RMND5B: variants seen among roughly 807,000 people sequenced by gnomAD.
RMND5B encodes E3 ubiquitin-protein transferase RMND5B.
In RMND5B, 42 loss-of-function variants were observed where a neutral mutation model predicts 50.4. The ratio of observed to expected loss-of-function variants is 0.83; its 90% CI spans 0.65 to 1.08. The LOEUF is 1.08. Among genes scored for constraint, RMND5B ranks in the 50% least tolerant of loss-of-function variants. The pLI, the probability that RMND5B is intolerant of heterozygous loss-of-function variation, is 0.00. For synonymous variants in RMND5B, 220 were observed against 210.0 expected, an observed-to-expected ratio of 1.05 and a Z score of -0.41; for missense variants, 463 against 508.5, an observed-to-expected ratio of 0.91 and a Z score of 0.86.
At chr5:178,142,785 C>T in intron 4 of RMND5B, 57 bp downstream of exon 4, 1 of 1,614,226 alleles carries the variant, frequency 6.2e-7, no homozygotes, top group East Asian at 2.2e-5. Flanking sequence ...CTGGGATGTA[C>T]AAGGACTCGA....
Position 178,149,865 on chromosome 5 carries a change from G to A in RMND5B, c.*1833G>A. ...TACAGAGGGGAAAGAAGTGCTGTTTGGAAAAAAGCTGTACAACCTGTATGC... is the reference window on the plus strand; with the variant it reads ...TACAGAGGGGAAAGAAGTGCTGTTTAGAAAAAAGCTGTACAACCTGTATGC... On this transcript the variant is annotated 3_prime_UTR_variant, in exon 11 of 11. Coordinates refer to ENST00000313386, the MANE Select transcript of RMND5B (RefSeq NM_022762.5). 1 of 1,610,116 alleles carries A rather than the reference G, an allele frequency of 6.2e-7. No homozygotes were observed. The highest frequency in any genetic ancestry group is 8.5e-7 in the Non-Finnish European group (1 of 1,178,282).
In RMND5B at chr5:178,147,438, C is replaced by T. The variant is rs563630095; in HGVS notation, c.861-95C>T. 5.0e-5 allele frequency: 44 copies of T among 883,038 alleles called. No individual in the cohort carries two copies. The Admixed American group carries it at 8.8e-4, about 18-fold the overall frequency. The allele number at this position is 883,038 out of a possible 1,614,324, so 54.7% of individuals were successfully genotyped here. On this transcript the variant is annotated intron_variant, in intron 8 of 10. Transcript: ENST00000313386. ...ATTTGACCGTGCACCATTTTAGAGC[C>T]CTGTCTCAAGGTCCATGCTGAAGCA...
chr5:178,140,199 G>A (rs905271992), intron 3 of RMND5B, among the ~76,000 whole-genome samples: 2 of 152,082 alleles, frequency 1.3e-5, no homozygotes, highest in African/African-American at 4.8e-5. Flanking sequence ...TTGGAGACAA[G>A]TTCTCACTTT....
intron 2 of RMND5B, among the ~76,000 whole-genome samples, chr5:178,131,913 CAG>C (rs1758331245): frequency 1.3e-5 from 2 of 152,072 alleles, no homozygotes; most frequent in Admixed American, 1.3e-4. Context: ...GTCTGTAGGT[CAG>C]AGAGAGGAAT....
At chr5:178,145,528 CA>C (rs567656877) in intron 7 of RMND5B, among the ~76,000 whole-genome samples, 30 of 150,756 alleles carry the variant, frequency 2.0e-4, no homozygotes, top group African/African-American at 6.8e-4. Context: ...ACACACACAC[CA>C]AAAAAAACAA....
rs970458945 is a variant in RMND5B at position 178,143,481 on chromosome 5, C to T, written c.427-146C>T. 7 of 664,688 alleles carry T rather than the reference C, an allele frequency of 1.1e-5. No homozygotes were observed. In the Admixed American group the frequency reaches 1.7e-4, roughly 16 times the overall value. The allele number at this position is 664,688 out of a possible 1,614,324, so 41.2% of individuals were successfully genotyped here. ...GACTGAGATGGGAACAAGAGAGGCC[C>T]AAGTGGCTGGCAGGAGACCAAGCTC... On this transcript the variant is annotated intron_variant, in intron 5 of 10. Coordinates refer to ENST00000313386, the MANE Select transcript of RMND5B (RefSeq NM_022762.5).
chr5:178,149,681 A>G lies in RMND5B; in HGVS notation c.*1649A>G, dbSNP rs201984406. 2.9e-5 allele frequency: 46 copies of G among 1,611,536 alleles called. No individual in the cohort carries two copies. Among genetic ancestry groups the G allele is most frequent in the Non-Finnish European group, 3.7e-5 (44 of 1,179,632 alleles). ...TCCTGCTGCCAGCCCAATAGCTTCC[A>G]GCGGCAGGTGCCCAGGTGCTACCGG... On this transcript the variant is annotated 3_prime_UTR_variant, in exon 11 of 11. Transcript: ENST00000313386.
At position 178,149,885 on chromosome 5, in the gene RMND5B, G is replaced by A. The variant is rs956276970; in HGVS notation, c.*1853G>A. 1 of 1,605,468 alleles carries A rather than the reference G, an allele frequency of 6.2e-7. No homozygotes were observed. Among genetic ancestry groups the A allele is most frequent in the African/African-American group, 1.3e-5 (1 of 74,912 alleles). ...TGTTTGGAAAAAAGCTGTACAACCT[G>A]TATGCCAGGAAGTCACCAACTGATG... On this transcript the variant is annotated 3_prime_UTR_variant, in exon 11 of 11. Transcript: ENST00000313386.
Position 178,147,849 on chromosome 5 carries a change from C to G in RMND5B, c.1084C>G (p.Arg362Gly). 3 of 1,614,166 alleles carry G rather than the reference C, an allele frequency of 1.9e-6. No individual in the cohort carries two copies. The highest frequency in any genetic ancestry group is 2.5e-6 in the Non-Finnish European group (3 of 1,180,042). The change falls in exon 10 of 11, where the codon CGA becomes GGA. Residue 362 changes from arginine to glycine, a missense_variant. Coordinates refer to ENST00000313386, the MANE Select transcript of RMND5B (RefSeq NM_022762.5). ...GCTCATCTGTGGCCATGTTATCTCC[C>G]GAGATGCACTCAATAAGCTCATTAA... is the stretch of plus-strand genomic sequence containing the variant. ...IKLICGHVIS[R>G]DALNKLINGG...
At position 178,137,752 on chromosome 5, in the gene RMND5B, G is replaced by A. The variant is rs1285249214; in HGVS notation, c.-12-356G>A. On this transcript the variant is annotated intron_variant, in intron 2 of 10. Transcript: ENST00000313386. The surrounding 1 kb of genome is among the most constrained non-coding windows in gnomAD (Gnocchi z 4.4). ...CAGTATATGGATTTCTAGTTAGATA[G>A]TATTGCCAGCTAAGGGCTCTGTGAG... 2.6e-5 allele frequency among the ~76,000 whole-genome samples: 4 copies of A among 152,144 alleles called. No homozygotes were observed. Among genetic ancestry groups the A allele is most frequent in the African/African-American group, 9.7e-5 (4 of 41,434 alleles).
In RMND5B at chr5:178,150,555, A is replaced by T. The variant is rs549738762; in HGVS notation, c.*2523A>T. The T allele has an allele frequency of 1.5e-4, 63 of 407,998 alleles. 2 individuals are homozygous for T. The highest frequency in any genetic ancestry group is 8.4e-4 in the South Asian group (42 of 49,934). The allele number at this position is 407,998 out of a possible 1,614,324, so 25.3% of individuals were successfully genotyped here. ...CCACCACACCCAGCTAATTAAAAAA[A>T]TTTTTTTTGTAGAGATGGAGTCTCA... is the stretch of plus-strand genomic sequence containing the variant. On this transcript the variant is annotated 3_prime_UTR_variant, in exon 11 of 11. Coordinates refer to ENST00000313386, the MANE Select transcript of RMND5B (RefSeq NM_022762.5).
At position 178,131,248 on chromosome 5, in the gene RMND5B, G is replaced by A. The variant is rs1035251705; in HGVS notation, c.-141G>A. 13 of 152,162 alleles carry A rather than the reference G, an allele frequency of 8.5e-5. No individual in the cohort carries two copies. Among genetic ancestry groups the A allele is most frequent in the African/African-American group, 2.9e-4 (12 of 41,452 alleles). 9.4% of individuals were successfully genotyped at this position (152,162 alleles called of 1,614,324 possible). On this transcript the variant is annotated 5_prime_UTR_variant, in exon 2 of 11. Transcript: ENST00000313386. Reference sequence around the variant, plus strand: ...TGTTCTCTTCGCAGTTGTCGGCCCTGGGCCGGGAGCTGGAGTCCCAGACTC... The same window carrying A: ...TGTTCTCTTCGCAGTTGTCGGCCCTAGGCCGGGAGCTGGAGTCCCAGACTC...
intron 2 of RMND5B, among the ~76,000 whole-genome samples, chr5:178,131,590 TGGA>T (rs1758309299): frequency 8.7e-6 from 1 of 114,992 alleles, no homozygotes; most frequent in African/African-American, 3.2e-5. Flanking sequence ...AAAAAAAAAA[TGGA>T]GGAGGGCGAT....
At chr5:178,132,023 T>TAA (rs1484873944) in intron 2 of RMND5B, among the ~76,000 whole-genome samples, 1 of 152,102 alleles carries the variant, frequency 6.6e-6, no homozygotes, top group East Asian at 1.9e-4. Flanking sequence ...TGCAAAAGCA[T>TAA]AAGAATTGGC....
intron 8 of RMND5B, 47 bp from the exon 9 acceptor site, chr5:178,147,486 T>G: frequency 6.5e-7 from 1 of 1,536,294 alleles, no homozygotes; most frequent in Non-Finnish European, 9.0e-7. Context: ...CCTTTTTGCC[T>G]GTCTGCTGTG....
chr5:178,133,014 A>AC (rs1758419869), intron 2 of RMND5B, among the ~76,000 whole-genome samples: 1 of 151,194 alleles, frequency 6.6e-6, no homozygotes, highest in Admixed American at 6.6e-5. Flanking sequence ...ACAGGCACGC[A>AC]CCACCACGCC....
At chr5:178,136,406 G>A (rs966680962) in intron 2 of RMND5B, among the ~76,000 whole-genome samples, 7 of 152,152 alleles carry the variant, frequency 4.6e-5, no homozygotes, top group African/African-American at 1.7e-4. Flanking sequence ...ACATTCAGTT[G>A]CAGGGTGTTT....
rs959368631 is a variant in RMND5B at position 178,148,276 on chromosome 5, T to G, written c.*244T>G. The stretch of plus-strand genomic sequence containing the variant: ...GATGCTGGCCTCTGTGCTCCTGCTG[T>G]CTTTTCCTGTTTCTGTTTGCGTTTG... On this transcript the variant is annotated 3_prime_UTR_variant, in exon 11 of 11. Transcript: ENST00000313386. 1.7e-6 allele frequency: 1 copy of G among 575,192 alleles called. No homozygotes were observed. Among genetic ancestry groups the G allele is most frequent in the Non-Finnish European group, 3.1e-6 (1 of 321,574 alleles). 35.6% of individuals were successfully genotyped at this position (575,192 alleles called of 1,614,324 possible). A position where few individuals can be genotyped will look rare whatever the true frequency, so the allele number is the denominator to read the frequency against.
Position 178,147,590 on chromosome 5 carries a change from G to A in RMND5B, c.918G>A (p.Glu306=). ...PVLMNIKAVI[E]QRQCTGVWNH... Reference sequence around the variant, plus strand: ...TGATGAACATCAAGGCTGTGATTGAGCAGCGGCAGTGCACTGGGGTCTGGA... The same window carrying A: ...TGATGAACATCAAGGCTGTGATTGAACAGCGGCAGTGCACTGGGGTCTGGA... Residue 306 remains glutamate (E), a synonymous_variant, in exon 9 of 11, where the codon GAG becomes GAA. Transcript: ENST00000313386. 1 of 1,614,138 alleles carries A rather than the reference G, an allele frequency of 6.2e-7. No homozygotes were observed. The highest frequency in any genetic ancestry group is 8.5e-7 in the Non-Finnish European group (1 of 1,179,984).
Sources: gnomAD v4.1 joint callset for allele counts (sites outside exome capture counted in the v4.1 genomes callset) on GRCh38, gnomAD v4.1.1 for gene constraint, Gnocchi (gnomAD v3.1) non-coding constraint, MANE v1.5 for transcripts, NCBI Gene and HGNC (gene_info 2026-07-23, HGNC 2026-07-21) for gene names.